PCDH15: variants seen among roughly 807,000 people sequenced by gnomAD.
PCDH15 encodes protocadherin related 15.
PCDH15 carries 129 observed loss-of-function variants against 178.5 expected under a neutral mutation model. That is an observed-to-expected ratio of 0.72 (90% confidence interval 0.63 to 0.84). The LOEUF is 0.84. Ranked by LOEUF, PCDH15 falls within the 40% of genes least tolerant of loss-of-function variation. PCDH15 has a pLI of 0.00. For missense variants in PCDH15, 2,230 were observed against 2,099.9 expected (o/e 1.06, Z -1.21); for synonymous variants, 800 against 732.0 (o/e 1.09, Z -1.50).
chr10:53,905,926 T>C (rs987257984), intron 25 of PCDH15, among the ~76,000 whole-genome samples: 1 of 151,996 alleles, frequency 6.6e-6, no homozygotes, highest in Non-Finnish European at 1.5e-5. Flanking sequence ...AATTCCAGAA[T>C]ACTTCACAAC....
intron 20 of PCDH15, among the ~76,000 whole-genome samples, chr10:54,005,912 T>G (rs2135084854): frequency 6.6e-6 from 1 of 151,970 alleles, no homozygotes; most frequent in South Asian, 2.1e-4. Flanking sequence ...AACCTAAGTG[T>G]CCATCAACAG....
intron 8 of PCDH15, among the ~76,000 whole-genome samples, chr10:54,315,958 GTTT>G (rs1273595729): frequency 7.8e-6 from 1 of 128,592 alleles, no homozygotes; most frequent in Non-Finnish European, 1.7e-5. Flanking sequence ...GTTTGTTTTT[GTTT>G]TTGTTTTTTG....
At chr10:55,186,347 A>T in intron 1 of PCDH15, among the ~76,000 whole-genome samples, 1 of 151,402 alleles carries the variant, frequency 6.6e-6, no homozygotes, top group East Asian at 1.9e-4. Flanking sequence ...TGTATTTTTT[A>T]AAAAACCAAT....
At chr10:55,044,882 G>T (rs965733150) in intron 2 of PCDH15, among the ~76,000 whole-genome samples, 2 of 152,090 alleles carry the variant, frequency 1.3e-5, no homozygotes, top group Non-Finnish European at 2.9e-5. Context: ...TCATCCTCCA[G>T]TGATAACATT....
chr10:54,183,397 T>C lies in PCDH15; in HGVS notation c.1590+47A>G, dbSNP rs1305508803. On this transcript the variant is annotated intron_variant, in intron 13 of 37. Coordinates refer to ENST00000644397, the MANE Select transcript of PCDH15 (RefSeq NM_001384140.1). ...TCATGAGCATATCGTATAATGCACA[T>C]GTAAATAACAGCTTTGAGTGTACAC... The C allele has an allele frequency of 6.5e-6, 10 of 1,534,794 alleles. No individual in the cohort carries two copies. The East Asian group carries it at 6.7e-5, about 10-fold the overall frequency.
chr10:53,927,362 A>G (rs2084655129), intron 25 of PCDH15, among the ~76,000 whole-genome samples: 3 of 152,102 alleles, frequency 2.0e-5, no homozygotes, highest in Admixed American at 2.0e-4. Context: ...TTGCCCATGT[A>G]TCTATTATTT....
intron 2 of PCDH15, among the ~76,000 whole-genome samples, chr10:54,954,343 CA>C (rs533175664): frequency 2.0e-5 from 3 of 150,818 alleles, no homozygotes; most frequent in African/African-American, 4.9e-5. Flanking sequence ...CATCCATTCT[CA>C]AAAAAAATTC....
chr10:54,270,757 C>T (rs1377678408), intron 8 of PCDH15, among the ~76,000 whole-genome samples: 1 of 152,096 alleles, frequency 6.6e-6, no homozygotes, highest in Non-Finnish European at 1.5e-5. Context: ...AAGATTTATT[C>T]ACTCAGCAAA....
intron 2 of PCDH15, among the ~76,000 whole-genome samples, chr10:55,547,965 A>C (rs1046072679): frequency 1.9e-5 from 2 of 106,148 alleles, no homozygotes; most frequent in African/African-American, 3.6e-5. Context: ...GGGACAGAGA[A>C]ACAGAGAGCT....
intron 2 of PCDH15, among the ~76,000 whole-genome samples, chr10:55,142,250 A>G (rs1838374263): frequency 6.6e-6 from 1 of 152,142 alleles, no homozygotes; most frequent in Non-Finnish European, 1.5e-5. Flanking sequence ...ATAGAAAAAA[A>G]GAACAAAACT....
At chr10:53,823,631 TG>T in intron 32 of PCDH15, 1 of 522,924 alleles carries the variant, frequency 1.9e-6, no homozygotes, top group South Asian at 1.8e-5. Flanking sequence ...TTTTTGTTTT[TG>T]TTTTTTTTCA....
intron 2 of PCDH15, among the ~76,000 whole-genome samples, chr10:54,647,720 AATAAG>A (rs1447137838): frequency 6.6e-6 from 1 of 152,058 alleles, no homozygotes; most frequent in Non-Finnish European, 1.5e-5. Context: ...AAATAGATTA[AATAAG>A]ATAGTATATA....
At chr10:54,526,149 T>C (rs1388655637) in intron 3 of PCDH15, among the ~76,000 whole-genome samples, 2 of 152,136 alleles carry the variant, frequency 1.3e-5, no homozygotes, top group African/African-American at 2.4e-5. Flanking sequence ...CTTCGTAGAG[T>C]TCCTAAGCTC....
At chr10:55,163,469 C>A (rs1265899296) in intron 2 of PCDH15, among the ~76,000 whole-genome samples, 1 of 152,026 alleles carries the variant, frequency 6.6e-6, no homozygotes, top group African/African-American at 2.4e-5. Context: ...CAAAGAGACT[C>A]CGTTATGAAG....
intron 3 of PCDH15, among the ~76,000 whole-genome samples, chr10:54,521,672 A>T (rs963591579): frequency 2.0e-5 from 3 of 152,232 alleles, no homozygotes; most frequent in African/African-American, 7.2e-5. Context: ...CATCACATTC[A>T]TATTGACCTT....
chr10:54,232,208 G>A (rs1339459643), intron 9 of PCDH15, among the ~76,000 whole-genome samples: 1 of 152,132 alleles, frequency 6.6e-6, no homozygotes, highest in Non-Finnish European at 1.5e-5. Flanking sequence ...TGGTGACAGT[G>A]GTGTCAGTGA....
chr10:55,391,697 A>G (rs1241900241), intron 2 of PCDH15, among the ~76,000 whole-genome samples: 2 of 152,054 alleles, frequency 1.3e-5, no homozygotes, highest in Non-Finnish European at 2.9e-5. Flanking sequence ...CATGTTGGCC[A>G]GGCTGGTCTC....
intron 28 of PCDH15, among the ~76,000 whole-genome samples, chr10:53,848,650 G>C (rs1370571326): frequency 6.6e-6 from 1 of 151,606 alleles, no homozygotes; most frequent in African/African-American, 2.4e-5. Flanking sequence ...CAAATCTCAG[G>C]AAAAAATATA....
chr10:55,339,243 C>A (rs1844484165), intron 2 of PCDH15, among the ~76,000 whole-genome samples: 1 of 152,032 alleles, frequency 6.6e-6, no homozygotes, highest in African/African-American at 2.4e-5. Context: ...ATTAAAACAT[C>A]ACATGTGCCC....
Sources: gnomAD v4.1 joint callset for allele counts (sites outside exome capture counted in the v4.1 genomes callset) on GRCh38, gnomAD v4.1.1 for gene constraint, MANE v1.5 for transcripts, NCBI Gene and HGNC (gene_info 2026-07-23, HGNC 2026-07-21) for gene names.